REC114: variants seen among roughly 807,000 people sequenced by gnomAD.
The protein encoded by REC114 is meiotic recombination protein REC114.
REC114 carries 27 observed loss-of-function variants against 31.3 expected under a neutral mutation model. The ratio of observed to expected loss-of-function variants is 0.86; its 90% CI spans 0.64 to 1.19. The LOEUF is 1.19. REC114 is among the 50% of genes most tolerant of loss of function. The pLI, the probability that REC114 is intolerant of heterozygous loss-of-function variation, is 0.00. For synonymous variants in REC114, 134 were observed against 127.7 expected (o/e 1.05, Z -0.33); for missense variants, 344 against 326.9 (o/e 1.05, Z -0.40).
At chr15:73,478,942 GC>G (rs1421078250) in intron 2 of REC114, among the ~76,000 whole-genome samples, 1 of 152,154 alleles carries the variant, frequency 6.6e-6, no homozygotes, top group East Asian at 1.9e-4. Flanking sequence ...TAGTTCTGCA[GC>G]TTTTTTGTAA....
intron 1 of REC114, among the ~76,000 whole-genome samples, chr15:73,462,917 AC>A (rs1217807236): frequency 2.0e-5 from 3 of 151,278 alleles, no homozygotes; most frequent in Non-Finnish European, 4.4e-5. Context: ...ATTACCACTT[AC>A]AGCTAGTCTA....
chr15:73,550,031 G>A (rs1333319170), intron 3 of REC114, among the ~76,000 whole-genome samples: 1 of 152,112 alleles, frequency 6.6e-6, no homozygotes. Context: ...ATTTCATGAG[G>A]GAAAAGGACT....
chr15:73,473,530 T>G (rs1893163646), intron 1 of REC114, among the ~76,000 whole-genome samples: 2 of 152,210 alleles, frequency 1.3e-5, no homozygotes. Flanking sequence ...AATTATTTAT[T>G]AAAATGTAAC....
Position 73,559,398 on chromosome 15 carries a change from G to C in REC114, c.637-354G>C, listed in dbSNP as rs1409765060. On this transcript the variant is annotated intron_variant, in intron 5 of 5. Transcript: ENST00000331090. The stretch of plus-strand genomic sequence containing the variant: ...GGCGAAGATGAACTGAGCTAGTGGA[G>C]CTCATTCATTGATAGCATTGATAGG... 2.6e-5 allele frequency among the ~76,000 whole-genome samples: 4 copies of C among 152,284 alleles called. No homozygotes were observed. The East Asian group carries it at 7.7e-4, about 29-fold the overall frequency.
chr15:73,540,702 G>A, intron 3 of REC114, 134 bp downstream of exon 3: 2 of 765,840 alleles, frequency 2.6e-6, no homozygotes, highest in Non-Finnish European at 4.5e-6. Context: ...TGTACTATGA[G>A]AAAAACATGA....
chr15:73,511,136 A>G (rs1033894215), intron 2 of REC114, among the ~76,000 whole-genome samples: 551 of 152,174 alleles, frequency 3.6e-3, no homozygotes, highest in African/African-American at 0.013. Context: ...TTATTGGTCT[A>G]TTCAGAGATT....
At chr15:73,461,809 G>A (rs115279311) in intron 1 of REC114, among the ~76,000 whole-genome samples, 3,046 of 151,892 alleles carry the variant, frequency 0.02, 125 homozygotes, top group African/African-American at 0.069. Flanking sequence ...ATTGGCAACT[G>A]GAACGAAGAG....
At chr15:73,526,907 T>A (rs959674329) in intron 2 of REC114, among the ~76,000 whole-genome samples, 3 of 152,216 alleles carry the variant, frequency 2.0e-5, no homozygotes, top group Non-Finnish European at 2.9e-5. Flanking sequence ...TTTTGAAGCT[T>A]ATTTTTAATC....
intron 2 of REC114, among the ~76,000 whole-genome samples, chr15:73,524,585 G>A (rs1363147330): frequency 3.3e-5 from 5 of 152,146 alleles, no homozygotes; most frequent in South Asian, 2.1e-4. Flanking sequence ...AGACAAGAAC[G>A]GAGGTTTCTT....
chr15:73,469,500 G>C (rs1454804291), intron 1 of REC114, among the ~76,000 whole-genome samples: 1 of 151,934 alleles, frequency 6.6e-6, no homozygotes, highest in Non-Finnish European at 1.5e-5. Context: ...TGCAATCATA[G>C]CTTACAGCAG....
chr15:73,469,170 G>T (rs1231240075), intron 1 of REC114, among the ~76,000 whole-genome samples: 1 of 152,050 alleles, frequency 6.6e-6, no homozygotes, highest in African/African-American at 2.4e-5. Context: ...TTTGCTATGT[G>T]CTTTTTCTAT....
At position 73,559,990 on chromosome 15, in the gene REC114, TTAGAA is replaced by T. The variant is rs1324602609; in HGVS notation, c.*77_*81del. The T allele has an allele frequency of 4.4e-6, 6 of 1,377,922 alleles. No homozygotes were observed. Among genetic ancestry groups the T allele is most frequent in the Non-Finnish European group, 3.0e-6 (3 of 1,015,520 alleles). The allele number at this position is 1,377,922 out of a possible 1,614,324, so 85.4% of individuals were successfully genotyped here. A position where few individuals can be genotyped will look rare whatever the true frequency, so the allele number is the denominator to read the frequency against. ...CTTCCTCCTAAAATTAAAGAAGATA[TTAGAA>T]TAAAGAGTATTATCCAAACACCTTT... is the stretch of plus-strand genomic sequence containing the variant. On this transcript the variant is annotated 3_prime_UTR_variant, in exon 6 of 6. Transcript: ENST00000331090.
rs115419037 is a variant in REC114, at chr15:73,516,665, T to C, written c.250-23820T>C. On this transcript the variant is annotated intron_variant, in intron 2 of 5. Transcript: ENST00000331090. ...GCTATAAATAATTTTTATACTCTTG[T>C]TACCCAGGCTGAAGTGCAATGAAGC... is the stretch of plus-strand genomic sequence containing the variant. Among the ~76,000 whole-genome samples the C allele has an allele frequency of 2.3e-3, 356 of 152,308 alleles. 3 individuals are homozygous for C. The highest frequency in any genetic ancestry group is 8.2e-3 in the African/African-American group (342 of 41,574).
At chr15:73,555,859 T>G (rs1894459596) in intron 4 of REC114, among the ~76,000 whole-genome samples, 4 of 152,226 alleles carry the variant, frequency 2.6e-5, no homozygotes, top group Admixed American at 2.6e-4. Context: ...ATTTTGCATT[T>G]CTTCAATGAA....
At position 73,550,992 on chromosome 15, in the gene REC114, C is replaced by A. The variant is rs1475694506; in HGVS notation, c.388C>A (p.Leu130Met). 6 of 1,613,782 alleles carry A rather than the reference C, an allele frequency of 3.7e-6. No individual in the cohort carries two copies. Among genetic ancestry groups the A allele is most frequent in the Non-Finnish European group, 5.1e-6 (6 of 1,179,860 alleles). The change falls in exon 4 of 6, where the codon CTG (leucine) becomes ATG (methionine). Residue 130 changes from leucine to methionine, a missense_variant. Leu to Met is a conservative substitution (Grantham distance 15). Coordinates refer to ENST00000331090, the MANE Select transcript of REC114 (RefSeq NM_001042367.2). Reference protein sequence around the residue: ...QFSGESKEQALEHCCSCVQKL... With the variant: ...QFSGESKEQAMEHCCSCVQKL... ...CAGTGGAGAGTCAAAGGAGCAGGCG[C>A]TGGAACACTGCTGCAGTTGTGTTCA...
intron 2 of REC114, among the ~76,000 whole-genome samples, chr15:73,481,816 G>A (rs745952707): frequency 2.6e-5 from 4 of 151,646 alleles, no homozygotes; most frequent in African/African-American, 7.3e-5. Flanking sequence ...ACACCACCAC[G>A]CCAGGGGCTA....
chr15:73,473,742 A>G, intron 1 of REC114, 90 bp from the exon 2 acceptor site: 3 of 696,366 alleles, frequency 4.3e-6, no homozygotes, highest in Non-Finnish European at 7.1e-6. Context: ...AAAGATCAAT[A>G]TGAGAAAACA....
At chr15:73,500,303 C>T (rs1206535402) in intron 2 of REC114, among the ~76,000 whole-genome samples, 1 of 149,226 alleles carries the variant, frequency 6.7e-6, no homozygotes, top group African/African-American at 2.5e-5. Context: ...AACCTCTTAT[C>T]TTCTTCATCC....
chr15:73,497,672 A>G (rs1488099802), intron 2 of REC114, among the ~76,000 whole-genome samples: 3 of 152,238 alleles, frequency 2.0e-5, no homozygotes. Context: ...AATGTGATAC[A>G]TATAGTAATA....
Sources: gnomAD v4.1 joint callset for allele counts (sites outside exome capture counted in the v4.1 genomes callset) on GRCh38, gnomAD v4.1.1 for gene constraint, MANE v1.5 for transcripts, NCBI Gene and HGNC (gene_info 2026-07-23, HGNC 2026-07-21) for gene names.